Variants in DYNLRB1 observed in about 807,000 individuals in gnomAD.
The protein encoded by DYNLRB1 is dynein light chain roadblock-type 1.
A neutral mutation model predicts 13.5 loss-of-function variants in DYNLRB1; 6 were observed. The ratio of observed to expected loss-of-function variants is 0.44; its 90% confidence interval spans 0.24 to 0.88. DYNLRB1 has a LOEUF of 0.88. DYNLRB1 is among the 40% of genes least tolerant of loss of function. The pLI, the probability that DYNLRB1 is intolerant of heterozygous loss-of-function variation, is 0.21. For missense variants in DYNLRB1, 93 were observed against 127.2 expected (o/e 0.73, Z 1.29); for synonymous variants, 43 against 45.0 (o/e 0.96, Z 0.18).
At chr20:34,525,011 C>G (rs897190008) in intron 1 of DYNLRB1, among the ~76,000 whole-genome samples, 1 of 152,200 alleles carries the variant, frequency 6.6e-6, no homozygotes, top group African/African-American at 2.4e-5. Flanking sequence ...AGGCATGAGC[C>G]GCCGCACCGG....
rs558956094 is a variant in DYNLRB1 at position 34,524,787 on chromosome 20, G to A, written c.4-1481G>A. Among the ~76,000 whole-genome samples the A allele has an allele frequency of 1.3e-4, 20 of 150,852 alleles. No homozygotes were observed. In the South Asian group the frequency reaches 4.0e-3, roughly 30 times the overall value. On this transcript the variant is annotated intron_variant, in intron 1 of 3. Transcript: ENST00000357156. ...CGCCCATGCTGGAGTGCAGTGGTGC[G>A]ATCTCGGCTTACTGCAAGCTCCACC... is the stretch of plus-strand genomic sequence containing the variant.
At chr20:34,522,816 G>C (rs6088516) in intron 1 of DYNLRB1, among the ~76,000 whole-genome samples, 3 of 152,150 alleles carry the variant, frequency 2.0e-5, no homozygotes, top group Admixed American at 6.5e-5. Context: ...TCTGGTTCTC[G>C]TTGAGTTTCA....
At chr20:34,538,913 C>T (rs1981378131) in intron 3 of DYNLRB1, among the ~76,000 whole-genome samples, 1 of 152,178 alleles carries the variant, frequency 6.6e-6, no homozygotes, top group Admixed American at 6.5e-5. Context: ...GTGGATTTAC[C>T]CTGGATTGGG....
chr20:34,515,701 C>G (rs892063382), upstream of DYNLRB1, among the ~76,000 whole-genome samples: 4 of 152,196 alleles, frequency 2.6e-5, no homozygotes, highest in Admixed American at 6.5e-5. Flanking sequence ...CATTTTGGCC[C>G]TGGGCCTCTC....
intron 1 of DYNLRB1, chr20:34,516,870 CTG>C (rs1340787623): frequency 2.6e-6 from 4 of 1,528,022 alleles, no homozygotes; most frequent in Admixed American, 2.0e-5. Flanking sequence ...CCTCCCAGCT[CTG>C]TGAGGTAGAT....
Position 34,517,501 on chromosome 20 carries a change from A to G in DYNLRB1, c.3+1040A>G, listed in dbSNP as rs185826142. Among the ~76,000 whole-genome samples the G allele has an allele frequency of 3.3e-5, 5 of 152,286 alleles. No homozygotes were observed. In the East Asian group the frequency reaches 7.7e-4, roughly 23 times the overall value. The stretch of plus-strand genomic sequence containing the variant: ...CTTAAGCTGTAAAAAAAATTGATAT[A>G]TAATAGTTGTACACATTTATGTTGT... On this transcript the variant is annotated intron_variant, in intron 1 of 3. Transcript: ENST00000357156.
intron 1 of DYNLRB1, among the ~76,000 whole-genome samples, chr20:34,519,622 C>G (rs1979550688): frequency 6.6e-6 from 1 of 152,082 alleles, no homozygotes; most frequent in African/African-American, 2.4e-5. Context: ...TATGCAGGTC[C>G]ACTTCATTCT....
intron 2 of DYNLRB1, among the ~76,000 whole-genome samples, chr20:34,527,346 G>T (rs988884705): frequency 6.6e-6 from 1 of 152,192 alleles, no homozygotes; most frequent in African/African-American, 2.4e-5. Context: ...TGGCCAAGTC[G>T]CTTAAGCCTG....
At chr20:34,535,022 C>G in intron 3 of DYNLRB1, 1 of 1,383,078 alleles carries the variant, frequency 7.2e-7, no homozygotes, top group East Asian at 2.8e-5. Context: ...CTGAGATAGA[C>G]AGACACGTGA....
chr20:34,527,206 G>T (rs999970959), intron 2 of DYNLRB1, among the ~76,000 whole-genome samples: 6 of 152,080 alleles, frequency 3.9e-5, no homozygotes, highest in African/African-American at 1.4e-4. Flanking sequence ...GCTTTCTCCC[G>T]CGCCAGGCTG....
intron 2 of DYNLRB1, among the ~76,000 whole-genome samples, chr20:34,527,026 A>G (rs1340949546): frequency 2.6e-5 from 4 of 152,180 alleles, no homozygotes; most frequent in Non-Finnish European, 4.4e-5. Flanking sequence ...TGCACTGGAC[A>G]GGAAGGGAGC....
intron 1 of DYNLRB1, among the ~76,000 whole-genome samples, chr20:34,522,393 A>G (rs1256233807): frequency 6.8e-6 from 1 of 147,026 alleles, no homozygotes; most frequent in Non-Finnish European, 1.5e-5. Flanking sequence ...AATTATACCT[A>G]TGTGTCCTCC....
chr20:34,522,472 T>TTTC (rs1979821287), intron 1 of DYNLRB1, among the ~76,000 whole-genome samples: 4 of 127,574 alleles, frequency 3.1e-5, no homozygotes, highest in Non-Finnish European at 5.2e-5. Flanking sequence ...TCTTTTTCTT[T>TTTC]TTTTTTTTTT....
chr20:34,534,689 C>A lies in DYNLRB1; in HGVS notation c.141C>A (p.His47Gln), dbSNP rs11537532. 1.3e-5 allele frequency: 21 copies of A among 1,605,622 alleles called. No homozygotes were observed. Among genetic ancestry groups the A allele is most frequent in the Non-Finnish European group, 1.7e-5 (20 of 1,175,342 alleles). ...PTTTQYASLM[H>Q]SFILKARSTV... Reference sequence around the variant, plus strand: ...CCACCCAGTATGCCAGCCTCATGCACAGCTTCATCCTGAAGGCACGGAGCA... The same window carrying A: ...CCACCCAGTATGCCAGCCTCATGCAAAGCTTCATCCTGAAGGCACGGAGCA... Residue 47 changes from histidine to glutamine, a missense_variant, in exon 3 of 4, where the codon CAC (histidine) becomes CAA (glutamine). Physicochemically the swap from His to Gln is conservative, Grantham distance 24 (BLOSUM62 0). Transcript: ENST00000357156.
At chr20:34,538,595 G>A (rs1285180477) in intron 3 of DYNLRB1, among the ~76,000 whole-genome samples, 1 of 152,176 alleles carries the variant, frequency 6.6e-6, no homozygotes, top group Non-Finnish European at 1.5e-5. Context: ...ATGATTTGGA[G>A]TAAAAGACAC....
intron 1 of DYNLRB1, among the ~76,000 whole-genome samples, chr20:34,521,798 A>ACAGTTTGGGAGGC (rs1568598080): frequency 6.6e-6 from 1 of 152,194 alleles, no homozygotes; most frequent in Non-Finnish European, 1.5e-5. Context: ...TGTAGTCCCA[A>ACAGTTTGGGAGGC]CAGTTTGGGA....
At chr20:34,535,913 C>T in intron 3 of DYNLRB1, 1 of 985,258 alleles carries the variant, frequency 1.0e-6, no homozygotes, top group South Asian at 4.7e-5. Context: ...GGACTGGCAA[C>T]ACAGAGGGCA....
intron 2 of DYNLRB1, 24 bp downstream of exon 2, chr20:34,526,367 C>A: frequency 6.2e-7 from 1 of 1,613,210 alleles, no homozygotes; most frequent in South Asian, 1.1e-5. Context: ...CCCGCCATGA[C>A]CCGCACCCAG....
chr20:34,521,506 T>A (rs556029759), intron 1 of DYNLRB1, among the ~76,000 whole-genome samples: 18 of 152,334 alleles, frequency 1.2e-4, no homozygotes, highest in African/African-American at 4.3e-4. Flanking sequence ...CCTGTTAGAT[T>A]AGTTATTCTT....
Sources: allele counts gnomAD v4.1 joint callset (sites outside exome capture counted in the v4.1 genomes callset), GRCh38; gene constraint gnomAD v4.1.1; transcripts MANE v1.5; gene names NCBI Gene and HGNC (gene_info 2026-07-23, HGNC 2026-07-21).